The following PTPRN2 variants were observed in gnomAD, a reference collection of about 807,000 sequenced individuals.
PTPRN2 encodes the protein protein tyrosine phosphatase receptor type N2.
Under a neutral mutation model 118.8 loss-of-function variants are expected in PTPRN2, and 74 were observed. The ratio of observed to expected loss-of-function variants is 0.62; its 90% CI spans 0.52 to 0.76. The LOEUF (loss-of-function observed/expected upper bound fraction) is 0.76. Ranked by LOEUF, PTPRN2 falls within the 30% of genes least tolerant of loss-of-function variation. PTPRN2 has a pLI of 0.00. For synonymous variants in PTPRN2, 641 were observed against 608.0 expected, an observed-to-expected ratio of 1.05 and a Z score of -0.80; for missense variants, 1,481 against 1,394.4, an observed-to-expected ratio of 1.06 and a Z score of -0.99.
chr7:157,589,398 G>A (rs1256998671), intron 17 of PTPRN2, among the ~76,000 whole-genome samples: 1 of 152,200 alleles, frequency 6.6e-6, no homozygotes, highest in Admixed American at 6.5e-5. Context: ...TTCACTCAAG[G>A]TGGCCCCATT....
intron 22 of PTPRN2, among the ~76,000 whole-genome samples, chr7:157,547,391 G>C (rs1168392080): frequency 6.6e-6 from 1 of 152,080 alleles, no homozygotes; most frequent in Admixed American, 6.6e-5. Context: ...GCGGCAAGAT[G>C]GACCCTTCCA....
chr7:157,623,044 C>T (rs1803363163), intron 14 of PTPRN2, among the ~76,000 whole-genome samples: 1 of 152,202 alleles, frequency 6.6e-6, no homozygotes. Flanking sequence ...GGAAGAAGCA[C>T]CCCACAGAGA....
intron 12 of PTPRN2, among the ~76,000 whole-genome samples, chr7:157,875,691 G>C (rs1445017855): frequency 1.3e-5 from 2 of 152,208 alleles, no homozygotes; most frequent in Non-Finnish European, 2.9e-5. Context: ...CTTGGGCCTC[G>C]GGGGTCAGGA....
intron 2 of PTPRN2, among the ~76,000 whole-genome samples, chr7:158,333,587 G>A (rs1299278188): frequency 3.3e-5 from 5 of 150,120 alleles, no homozygotes; most frequent in East Asian, 2.0e-4. Flanking sequence ...GCCGGCACAC[G>A]TCACACACAC....
chr7:157,652,208 C>A (rs541944471), intron 14 of PTPRN2, among the ~76,000 whole-genome samples: 1 of 152,332 alleles, frequency 6.6e-6, no homozygotes, highest in Non-Finnish European at 1.5e-5. Flanking sequence ...CCCAGAGGCC[C>A]AAACCCTACC....
At position 158,096,555 on chromosome 7, in the gene PTPRN2, C is replaced by T. The variant is rs1054050661; in HGVS notation, c.1643+14274G>A. Among the ~76,000 whole-genome samples, 14 of 152,332 alleles carry T rather than the reference C, an allele frequency of 9.2e-5. 1 individual carries two copies. Among genetic ancestry groups the T allele is most frequent in the East Asian group, 5.8e-4 (3 of 5,182 alleles). ...TTCCCTTGTTGTCTCATCTTAAAGACGGGACGGGGAGTTTTGACGTACTGT... is the reference window on the plus strand; with the variant it reads ...TTCCCTTGTTGTCTCATCTTAAAGATGGGACGGGGAGTTTTGACGTACTGT... On this transcript the variant is annotated intron_variant, in intron 10 of 22. Transcript: ENST00000389418.
chr7:158,469,248 C>A (rs1563330443), intron 2 of PTPRN2, among the ~76,000 whole-genome samples: 1 of 152,190 alleles, frequency 6.6e-6, no homozygotes, highest in Non-Finnish European at 1.5e-5. Flanking sequence ...TTGAGACCAG[C>A]CTGGCCAACA....
chr7:157,983,330 G>A (rs186979490), intron 11 of PTPRN2, among the ~76,000 whole-genome samples: 110 of 148,788 alleles, frequency 7.4e-4, no homozygotes, highest in Non-Finnish European at 1.3e-3. Context: ...AGACGAGGAG[G>A]AGAATGCAGT....
At chr7:157,751,187 G>C (rs1369805995) in intron 12 of PTPRN2, among the ~76,000 whole-genome samples, 1 of 152,194 alleles carries the variant, frequency 6.6e-6, no homozygotes, top group Non-Finnish European at 1.5e-5. Context: ...GTTATAAATT[G>C]CAACTGGAGA....
chr7:158,273,081 G>A (rs1798619405), intron 3 of PTPRN2, among the ~76,000 whole-genome samples: 1 of 152,176 alleles, frequency 6.6e-6, no homozygotes, highest in Non-Finnish European at 1.5e-5. Context: ...CCAGCCACAA[G>A]GAAGACAAGA....
intron 2 of PTPRN2, among the ~76,000 whole-genome samples, chr7:158,487,644 G>A (rs141093087): frequency 3.3e-5 from 5 of 152,302 alleles, no homozygotes; most frequent in Admixed American, 1.3e-4. Flanking sequence ...CCCTGCGGCT[G>A]GTGACAGAAT....
intron 21 of PTPRN2, among the ~76,000 whole-genome samples, chr7:157,567,091 A>G (rs1799523601): frequency 6.6e-6 from 1 of 152,234 alleles, no homozygotes; most frequent in Non-Finnish European, 1.5e-5. Context: ...GGCCCATGAT[A>G]AGTGGAGAAA....
chr7:158,062,542 G>C (rs779467082), intron 11 of PTPRN2, among the ~76,000 whole-genome samples: 5 of 152,072 alleles, frequency 3.3e-5, no homozygotes, highest in Non-Finnish European at 5.9e-5. Flanking sequence ...GGCCTGAGCC[G>C]GCTCCCTCTG....
Position 158,071,409 on chromosome 7 carries a change from T to TGCTCGTGGTGGAGG in PTPRN2, c.1723+9888_1723+9889insCCTCCACCACGAGC, listed in dbSNP as rs1563391130. Among the ~76,000 whole-genome samples the TGCTCGTGGTGGAGG allele has an allele frequency of 2.6e-3, 29 of 11,134 alleles. 3 individuals carry two copies. The highest frequency in any genetic ancestry group is 0.017 in the South Asian group (3 of 174). The allele number at this position is 11,134 out of a possible 152,430, so 7.3% of individuals were successfully genotyped here. ...CGTGGTGGAGGTGCTCGTGGTGGAGTTGCTCCTGGTGGTGGAGGTGCTCGT... is the reference window on the plus strand; with the variant it reads ...CGTGGTGGAGGTGCTCGTGGTGGAGTGCTCGTGGTGGAGGTGCTCCTGGTGGTGGAGGTGCTCGT... On this transcript the variant is annotated intron_variant, in intron 11 of 22. Coordinates refer to ENST00000389418, the MANE Select transcript of PTPRN2 (RefSeq NM_002847.5).
intron 1 of PTPRN2, among the ~76,000 whole-genome samples, chr7:158,495,109 G>A (rs1821733701): frequency 6.6e-6 from 1 of 152,090 alleles, no homozygotes; most frequent in Non-Finnish European, 1.5e-5. Context: ...GATGACAGAT[G>A]TCACCTGCAG....
At chr7:157,940,002 C>A (rs1799948274) in intron 11 of PTPRN2, among the ~76,000 whole-genome samples, 1 of 152,192 alleles carries the variant, frequency 6.6e-6, no homozygotes, top group Non-Finnish European at 1.5e-5. Flanking sequence ...GCCGCATGGG[C>A]AGCAGAGAGC....
chr7:157,788,021 T>A (rs1804184934), intron 12 of PTPRN2, among the ~76,000 whole-genome samples: 1 of 152,190 alleles, frequency 6.6e-6, no homozygotes, highest in African/African-American at 2.4e-5. Flanking sequence ...CCAGCCTCTC[T>A]GCCATTCGCA....
rs778264061 is a variant in PTPRN2 at position 158,249,705 on chromosome 7, C to T, written c.278-44432G>A. 5.3e-5 allele frequency among the ~76,000 whole-genome samples: 8 copies of T among 152,192 alleles called. No individual in the cohort carries two copies. In the South Asian group the frequency reaches 6.2e-4, roughly 12 times the overall value. On this transcript the variant is annotated intron_variant, in intron 3 of 22. Transcript: ENST00000389418. ...TCCTATGGTCAGTGAGGCTTTAGGA[C>T]CAGAAAAGCCCCATCCCCTGGGGAC...
At chr7:158,338,723 ATT>A (rs1806160296) in intron 2 of PTPRN2, among the ~76,000 whole-genome samples, 3 of 13,798 alleles carry the variant, frequency 2.2e-4, no homozygotes, top group Non-Finnish European at 2.5e-4. Context: ...TCACACCCAC[ATT>A]CTCACCATAA....
Sources: gnomAD v4.1 joint callset for allele counts (sites outside exome capture counted in the v4.1 genomes callset) on GRCh38, gnomAD v4.1.1 for gene constraint, MANE v1.5 for transcripts, NCBI Gene and HGNC (gene_info 2026-07-23, HGNC 2026-07-21) for gene names.